Variants in MECOM observed in about 807,000 individuals in gnomAD.
The protein encoded by MECOM is histone-lysine N-methyltransferase MECOM.
A neutral mutation model predicts 116.3 loss-of-function variants in MECOM; 13 were observed. The observed-to-expected ratio is 0.11, with a 90% CI of 0.07 to 0.18. The LOEUF (loss-of-function observed/expected upper bound fraction) is 0.18. Ranked by LOEUF, MECOM falls within the 10% of genes least tolerant of loss-of-function variation. The pLI, the probability that MECOM is intolerant of heterozygous loss-of-function variation, is 1.00. For synonymous variants in MECOM, 528 were observed against 535.2 expected (o/e 0.99, Z 0.19); for missense variants, 1,299 against 1,509.0 (o/e 0.86, Z 2.31).
chr3:169,152,957 G>A (rs185947509), intron 2 of MECOM, among the ~76,000 whole-genome samples: 5 of 152,210 alleles, frequency 3.3e-5, no homozygotes, highest in Admixed American at 3.3e-4. Flanking sequence ...GAAGTACTTT[G>A]CTGAAACAAC....
chr3:169,165,165 T>G (rs985660593), intron 2 of MECOM, among the ~76,000 whole-genome samples: 2 of 152,214 alleles, frequency 1.3e-5, no homozygotes, highest in African/African-American at 4.8e-5. Flanking sequence ...CGGAAAGATC[T>G]AAGATTTCAC....
chr3:169,242,526 T>G (rs1225551934), intron 2 of MECOM, among the ~76,000 whole-genome samples: 1 of 152,074 alleles, frequency 6.6e-6, no homozygotes, highest in Admixed American at 6.5e-5. Context: ...CTCATCCCCT[T>G]GGTGCTCCTG....
intron 2 of MECOM, among the ~76,000 whole-genome samples, chr3:169,253,210 A>G (rs1000551914): frequency 3.3e-5 from 5 of 152,176 alleles, no homozygotes; most frequent in African/African-American, 9.6e-5. Flanking sequence ...AATGCTCACT[A>G]TATTTTTACA....
chr3:169,381,596 T>A (rs1265619076), intron 1 of MECOM, 72 bp from the exon 2 acceptor site: 3 of 1,148,188 alleles, frequency 2.6e-6, no homozygotes, highest in Non-Finnish European at 3.6e-6. Context: ...GGTAGCCACC[T>A]TATTATGTTG....
At chr3:169,329,061 G>A (rs1203990847) in intron 2 of MECOM, among the ~76,000 whole-genome samples, 1 of 152,120 alleles carries the variant, frequency 6.6e-6, no homozygotes, top group Non-Finnish European at 1.5e-5. Context: ...TACCCATTCC[G>A]AAGTAAAGAA....
At chr3:169,097,571 T>G (rs1055033833) in intron 12 of MECOM, among the ~76,000 whole-genome samples, 2 of 151,996 alleles carry the variant, frequency 1.3e-5, no homozygotes, top group Non-Finnish European at 2.9e-5. Flanking sequence ...CCTGACTCTA[T>G]TAGTAGCAGA....
At chr3:169,493,257 T>C (rs1295416266) in intron 1 of MECOM, among the ~76,000 whole-genome samples, 1 of 152,154 alleles carries the variant, frequency 6.6e-6, no homozygotes, top group Non-Finnish European at 1.5e-5. Context: ...GCAAATATGG[T>C]TTATTTGATC....
At chr3:169,470,013 A>T (rs1323340897) in intron 1 of MECOM, 2 of 152,180 alleles carry the variant, frequency 1.3e-5, no homozygotes, top group African/African-American at 4.8e-5. Context: ...AGAGGAGTCA[A>T]CTCTTAAATA....
chr3:169,234,965 G>T (rs1338413990), intron 2 of MECOM, among the ~76,000 whole-genome samples: 1 of 152,128 alleles, frequency 6.6e-6, no homozygotes, highest in Non-Finnish European at 1.5e-5. Flanking sequence ...TAATTGGTTT[G>T]CAATATTTCA....
chr3:169,183,848 T>C (rs571864681), intron 2 of MECOM, among the ~76,000 whole-genome samples: 2 of 146,576 alleles, frequency 1.4e-5, no homozygotes, highest in South Asian at 4.8e-4. Context: ...ACATACATAT[T>C]TTTTTCTTTT....
chr3:169,606,572 C>T (rs1051667157), intron 1 of MECOM, among the ~76,000 whole-genome samples: 15 of 152,092 alleles, frequency 9.9e-5, no homozygotes, highest in South Asian at 2.1e-4. Flanking sequence ...ACAAAACCAC[C>T]GCAAAGTACA....
At chr3:169,113,304 A>G (rs952496207) in intron 8 of MECOM, among the ~76,000 whole-genome samples, 2 of 151,954 alleles carry the variant, frequency 1.3e-5, no homozygotes, top group African/African-American at 4.8e-5. Flanking sequence ...TATTCCTTCC[A>G]TATTTGTCAA....
At chr3:169,146,225 C>T in intron 2 of MECOM, 1 of 1,112,642 alleles carries the variant, frequency 9.0e-7, no homozygotes, top group South Asian at 3.0e-5. Flanking sequence ...AAAATCCCCA[C>T]AATCTAGCCA....
At chr3:169,478,480 C>T (rs1750807795) in intron 1 of MECOM, among the ~76,000 whole-genome samples, 2 of 152,078 alleles carry the variant, frequency 1.3e-5, no homozygotes, top group Admixed American at 6.5e-5. Flanking sequence ...TATAGGGACA[C>T]CTCTGCCTTT....
intron 1 of MECOM, among the ~76,000 whole-genome samples, chr3:169,653,542 C>G (rs1222081654): frequency 6.6e-6 from 1 of 152,078 alleles, no homozygotes; most frequent in Non-Finnish European, 1.5e-5. Context: ...AGTCAGTGTA[C>G]AGTATGGGTA....
intron 2 of MECOM, among the ~76,000 whole-genome samples, chr3:169,241,248 T>G (rs555773913): frequency 6.6e-6 from 1 of 152,076 alleles, no homozygotes; most frequent in South Asian, 2.1e-4. Context: ...AAATTTGTGA[T>G]TCAGGAAAAG....
intron 1 of MECOM, among the ~76,000 whole-genome samples, chr3:169,394,347 T>C (rs531327296): frequency 6.6e-6 from 1 of 152,202 alleles, no homozygotes; most frequent in African/African-American, 2.4e-5. Context: ...ATTTAACTTA[T>C]GTAATATAAG....
At chr3:169,449,332 C>T (rs918399571) in intron 1 of MECOM, among the ~76,000 whole-genome samples, 12 of 152,126 alleles carry the variant, frequency 7.9e-5, no homozygotes, top group African/African-American at 2.9e-4. Flanking sequence ...ACAGAGAAAG[C>T]TCAGGTTATT....
intron 14 of MECOM, among the ~76,000 whole-genome samples, chr3:169,091,723 G>C (rs555301625): frequency 6.6e-6 from 1 of 151,756 alleles, no homozygotes; most frequent in Non-Finnish European, 1.5e-5. Flanking sequence ...AGACTGGAAG[G>C]GTCTTTTTTC....
Sources: gnomAD v4.1 joint callset for allele counts (sites outside exome capture counted in the v4.1 genomes callset) on GRCh38, gnomAD v4.1.1 for gene constraint, MANE v1.5 for transcripts, NCBI Gene and HGNC (gene_info 2026-07-23, HGNC 2026-07-21) for gene names.